The following TRMT1 variants were observed in gnomAD, a reference collection of about 807,000 sequenced individuals.
TRMT1 encodes the protein tRNA (guanine(26)-N(2))-dimethyltransferase.
Under a neutral mutation model 75.4 loss-of-function variants are expected in TRMT1, and 63 were observed. The ratio of observed to expected loss-of-function variants is 0.84; its 90% CI spans 0.68 to 1.03. TRMT1 has a LOEUF of 1.03. TRMT1 is among the 50% of genes least tolerant of loss of function. The probability of loss-of-function intolerance (pLI) is 0.00; values close to 1 mark genes in which losing one functional copy is unlikely to be tolerated. For synonymous variants in TRMT1, 382 were observed against 358.1 expected, an observed-to-expected ratio of 1.07 and a Z score of -0.75; for missense variants, 870 against 905.3, an observed-to-expected ratio of 0.96 and a Z score of 0.50.
At chr19:13,105,194 C>A in intron 16 of TRMT1, 73 bp downstream of exon 16, 1 of 1,564,426 alleles carries the variant, frequency 6.4e-7, no homozygotes. Flanking sequence ...CCCAGCTCCC[C>A]CAATTCTCTC....
chr19:13,106,976 A>G (rs2145575926), intron 14 of TRMT1, among the ~76,000 whole-genome samples: 1 of 144,806 alleles, frequency 6.9e-6, no homozygotes, highest in Middle Eastern at 3.8e-3. Context: ...GGCACCTGCC[A>G]CCACGCCCGG....
rs778605059 is a variant in TRMT1 at position 13,112,821 on chromosome 19, CAG to C, written c.758-6_758-5del. Reference sequence around the variant, plus strand: ...GTGCAGGTCACACACAGCAACCCTGCAGAGAGGGGCTGGGCAGTGAGAACCCT... The same window carrying C: ...GTGCAGGTCACACACAGCAACCCTGCAGAGGGGCTGGGCAGTGAGAACCCT... On this transcript the variant is annotated splice_polypyrimidine_tract_variant and splice_region_variant and intron_variant, in intron 6 of 16. Transcript: ENST00000357720. 1.9e-6 allele frequency: 3 copies of C among 1,614,146 alleles called. No individual in the cohort carries two copies. The highest frequency in any genetic ancestry group is 1.1e-5 in the South Asian group (1 of 91,062).
rs2018828327 is a variant in TRMT1 at position 13,105,575 on chromosome 19, C to A, written c.1615G>T (p.Ala539Ser). The change falls in exon 15 of 17, where the codon GCC (alanine) becomes TCC (serine). Residue 539 changes from alanine to serine, a missense_variant. By Grantham distance (99) the Ala-to-Ser change is moderately conservative. Transcript: ENST00000357720. ...LQANFTIRED[A>S]NPSSRQRGLK... The stretch of plus-strand genomic sequence containing the variant: ...CCTCGCTGTCGGGAGCTGGGGTTGG[C>A]ATCTTCCCGGATGGTGAAGTTGGCC... The A allele has an allele frequency of 1.2e-6, 2 of 1,613,878 alleles. No homozygotes were observed. The highest frequency in any genetic ancestry group is 4.5e-5 in the East Asian group (2 of 44,866).
At chr19:13,109,888 CCCT>C in intron 9 of TRMT1, 24 bp downstream of exon 9, 2 of 1,614,044 alleles carry the variant, frequency 1.2e-6, no homozygotes, top group Non-Finnish European at 1.7e-6. Flanking sequence ...CCTGGGACTC[CCCT>C]TCTTCTCCTT....
chr19:13,115,321 T>C lies in TRMT1; in HGVS notation c.599A>G (p.Asn200Ser). 1.9e-6 allele frequency: 3 copies of C among 1,613,958 alleles called. No individual in the cohort carries two copies. The highest frequency in any genetic ancestry group is 1.7e-6 in the Non-Finnish European group (2 of 1,179,984). The change falls in exon 5 of 17, where the codon AAT (asparagine) becomes AGT (serine). Residue 200 changes from asparagine (N) to serine (S), a missense_variant. Coordinates refer to ENST00000357720, the MANE Select transcript of TRMT1 (RefSeq NM_001136035.4). ...CGGCTGTACCAGGTGGGCCACGTCA[T>C]TGAGCTGGACATTCCGGCGTATGAG... ...VDLIRRNVQL[N>S]DVAHLVQPSQ...
rs1309848007 is a variant in TRMT1 at position 13,115,374 on chromosome 19, T to C, written c.546A>G (p.Ala182=). Reference sequence around the variant, plus strand: ...CCACAGCCCGGGTGGAGGCATCGTTTGCAACCACAGATCTGAGCCCAGGCA... The same window carrying C: ...CCACAGCCCGGGTGGAGGCATCGTTCGCAACCACAGATCTGAGCCCAGGCA... ...LEVPGLRSVV[A]NDASTRAVDL... is the part of the protein sequence containing the mutation. Residue 182 remains alanine (A), a synonymous_variant, in exon 5 of 17, where the codon GCA becomes GCG. Coordinates refer to ENST00000357720, the MANE Select transcript of TRMT1 (RefSeq NM_001136035.4). 4 of 1,614,116 alleles carry C rather than the reference T, an allele frequency of 2.5e-6. No homozygotes were observed. Among genetic ancestry groups the C allele is most frequent in the Middle Eastern group, 1.6e-4 (1 of 6,062 alleles).
chr19:13,105,311 G>T lies in TRMT1; in HGVS notation c.1789C>A (p.Arg597=), dbSNP rs201873417. The T allele has an allele frequency of 1.9e-6, 3 of 1,614,018 alleles. No homozygotes were observed. The African/African-American group carries it at 4.0e-5, about 22-fold the overall frequency. Residue 597 remains arginine (R), a synonymous_variant, in exon 16 of 17, where the codon CGG becomes AGG. Transcript: ENST00000357720. ...GGAAATGTCTTGAGCCGGGCAGCCC[G>T]CTGGGCCACATCTTCCGGCGGCTCC... ...RKEPPEDVAQ[R]AARLKTFPCK... is the part of the protein sequence containing the mutation.
rs948437308 is a variant in TRMT1, at chr19:13,113,088, C to T, written c.642-77G>A. The stretch of plus-strand genomic sequence containing the variant: ...TGTCCCCTACACATATTAACTCGTA[C>T]AGCACAGTGGTTTGGGTCTGAACTC... On this transcript the variant is annotated intron_variant, in intron 5 of 16. Coordinates refer to ENST00000357720, the MANE Select transcript of TRMT1 (RefSeq NM_001136035.4). 9 of 1,131,640 alleles carry T rather than the reference C, an allele frequency of 8.0e-6. No homozygotes were observed. The Admixed American group carries it at 1.1e-4, about 14-fold the overall frequency. The allele number at this position is 1,131,640 out of a possible 1,614,324, so 70.1% of individuals were successfully genotyped here.
chr19:13,109,991 G>A lies in TRMT1; in HGVS notation c.1030C>T (p.Leu344=). The part of the protein sequence containing the change: ...KVKASASKQA[L]VFQCVGCGAF... ...CCGCAGCCCACACACTGGAACACCA[G>A]CGCCTGCTTGCTGTGGGGGGTACCA... Residue 344 remains leucine (L), a synonymous_variant, in exon 9 of 17, where the codon CTG becomes TTG. Coordinates refer to ENST00000357720, the MANE Select transcript of TRMT1 (RefSeq NM_001136035.4). 1 of 1,613,376 alleles carries A rather than the reference G, an allele frequency of 6.2e-7. No homozygotes were observed. The highest frequency in any genetic ancestry group is 1.1e-5 in the South Asian group (1 of 91,082).
At chr19:13,107,917 G>T in intron 12 of TRMT1, 58 bp from the exon 13 acceptor site, 1 of 1,432,914 alleles carries the variant, frequency 7.0e-7, no homozygotes, top group Non-Finnish European at 9.6e-7. Flanking sequence ...CAAAGCCCAA[G>T]CTGACCAGCG....
At chr19:13,113,062 C>T (rs765879085) in intron 5 of TRMT1, 51 bp from the exon 6 acceptor site, 3 of 1,433,618 alleles carry the variant, frequency 2.1e-6, no homozygotes, top group East Asian at 4.8e-5. Context: ...GGTACCTTCT[C>T]TGTCCCCTAC....
chr19:13,111,959 A>C (rs1240765311), intron 7 of TRMT1, among the ~76,000 whole-genome samples: 2 of 151,032 alleles, frequency 1.3e-5, no homozygotes, highest in Non-Finnish European at 3.0e-5. Context: ...TCGACTTCCC[A>C]AAGTGCTGGG....
intron 12 of TRMT1, among the ~76,000 whole-genome samples, chr19:13,109,117 C>T (rs538506251): frequency 1.1e-3 from 161 of 148,544 alleles, no homozygotes; most frequent in Non-Finnish European, 1.5e-3. Context: ...TGTATACATA[C>T]GTATGTATGT....
At chr19:13,113,066 C>G (rs1056695160) in intron 5 of TRMT1, 55 bp from the exon 6 acceptor site, 8 of 1,392,572 alleles carry the variant, frequency 5.7e-6, no homozygotes, top group Admixed American at 2.1e-5. Context: ...CCTTCTCTGT[C>G]CCCTACACAT....
At chr19:13,110,397 G>A in intron 7 of TRMT1, 91 bp from the exon 8 acceptor site, 2 of 1,415,218 alleles carry the variant, frequency 1.4e-6, no homozygotes, top group Non-Finnish European at 9.4e-7. Flanking sequence ...CAGGCTCAGG[G>A]CCAGCTCCCT....
rs766340207 is a variant in TRMT1, at chr19:13,110,175, C to T, written c.1002G>A (p.Lys334=). 3.1e-6 allele frequency: 5 copies of T among 1,612,380 alleles called. No homozygotes were observed. Among genetic ancestry groups the T allele is most frequent in the Non-Finnish European group, 4.2e-6 (5 of 1,180,010 alleles). Residue 334 remains lysine (K), a synonymous_variant, in exon 8 of 17, where the codon AAG becomes AAA. Coordinates refer to ENST00000357720, the MANE Select transcript of TRMT1 (RefSeq NM_001136035.4). Reference sequence around the variant, plus strand: ...GGGCTGACCTGGCTGAGGCCTTGACCTTGGCCTGGCCGGTGAAGACACGGA... The same window carrying T: ...GGGCTGACCTGGCTGAGGCCTTGACTTTGGCCTGGCCGGTGAAGACACGGA... ...VFVRVFTGQA[K]VKASASKQAL...
chr19:13,111,749 G>T (rs1341336981), intron 7 of TRMT1, among the ~76,000 whole-genome samples: 1 of 149,128 alleles, frequency 6.7e-6, no homozygotes, highest in Non-Finnish European at 1.5e-5. Flanking sequence ...GCCCAGGCTG[G>T]AGTGCAGTGG....
rs201235025 is a variant in TRMT1, at chr19:13,109,671, A to G, written c.1190T>C (p.Met397Thr). 9 of 1,613,890 alleles carry G rather than the reference A, an allele frequency of 5.6e-6. No homozygotes were observed. The East Asian group carries it at 8.9e-5, about 16-fold the overall frequency. The stretch of plus-strand genomic sequence containing the variant: ...CAGGTCATGGATGGGCTCTGCCCAC[A>G]TGGGGCCACCAAGCTGGGGGCGCAC... ...CGQRHQLGGP[M>T]WAEPIHDLDF... Residue 397 changes from methionine to threonine, a missense_variant, in exon 11 of 17, where the codon ATG (methionine) becomes ACG (threonine). Transcript: ENST00000357720.
intron 14 of TRMT1, 54 bp downstream of exon 14, chr19:13,107,520 G>C: frequency 6.5e-7 from 1 of 1,545,582 alleles, no homozygotes. Context: ...GCACACACAT[G>C]TGCTTCCATG....
Sources: allele counts gnomAD v4.1 joint callset (sites outside exome capture counted in the v4.1 genomes callset), GRCh38; gene constraint gnomAD v4.1.1; transcripts MANE v1.5; gene names NCBI Gene and HGNC (gene_info 2026-07-23, HGNC 2026-07-21).